The following OTUD4 variants were observed in gnomAD, a reference collection of about 807,000 sequenced individuals.
The protein encoded by OTUD4 is OTU domain-containing protein 4.
A neutral mutation model predicts 130.4 loss-of-function variants in OTUD4; 24 were observed. The observed-to-expected ratio is 0.18, with a 90% CI of 0.13 to 0.26. OTUD4 has a LOEUF of 0.26. OTUD4 is among the 10% of genes least tolerant of loss of function. The pLI, the probability that OTUD4 is intolerant of heterozygous loss-of-function variation, is 1.00. For missense variants in OTUD4, 1,031 were observed against 1,329.4 expected, an observed-to-expected ratio of 0.78 and a Z score of 3.49; for synonymous variants, 420 against 472.5, an observed-to-expected ratio of 0.89 and a Z score of 1.44.
Position 145,180,411 on chromosome 4 carries a change from C to T in OTUD4, c.-438G>A, listed in dbSNP as rs915622014. 6.6e-6 allele frequency among the ~76,000 whole-genome samples: 1 copy of T among 152,198 alleles called. No homozygotes were observed. The highest frequency in any genetic ancestry group is 2.4e-5 in the African/African-American group (1 of 41,460). ...GCTCAGGTGAAGCGGGGCCTGCGCCCCCGCGCACTCCCCACGCCGGGAGCC... is the reference window on the plus strand; with the variant it reads ...GCTCAGGTGAAGCGGGGCCTGCGCCTCCGCGCACTCCCCACGCCGGGAGCC... On this transcript the variant is annotated 5_prime_UTR_variant, in exon 1 of 21. Transcript: ENST00000447906.
chr4:145,170,178 A>AT (rs1752086497), intron 3 of OTUD4, among the ~76,000 whole-genome samples: 1 of 152,194 alleles, frequency 6.6e-6, no homozygotes, highest in Non-Finnish European at 1.5e-5. Flanking sequence ...GGGAATCTGC[A>AT]TTTTCACATG....
At position 145,141,405 on chromosome 4, in the gene OTUD4, C is replaced by A; in HGVS notation, c.2057G>T (p.Cys686Phe). ...DRAIVPPYSL[C>F]QTGEDLPKDK... is the part of the protein sequence containing the mutation. ...TTTAGGTAGGTCCTCCCCAGTCTGA[C>A]ACAGTGAATAAGGTGGTACAATGGC... Residue 686 changes from cysteine (C) to phenylalanine (F), a missense_variant, in exon 19 of 21, where the codon TGT becomes TTT. Physicochemically the swap from Cys to Phe is radical, Grantham distance 205. Transcript: ENST00000447906. 6.2e-7 allele frequency: 1 copy of A among 1,611,430 alleles called. No individual in the cohort carries two copies. The highest frequency in any genetic ancestry group is 2.2e-5 in the East Asian group (1 of 44,796).
At chr4:145,176,750 A>G (rs1752448325) in intron 1 of OTUD4, among the ~76,000 whole-genome samples, 1 of 152,046 alleles carries the variant, frequency 6.6e-6, no homozygotes, top group South Asian at 2.1e-4. Flanking sequence ...TACGTTTAGC[A>G]TGAGTAGAGC....
chr4:145,154,283 A>C (rs1354718690), intron 10 of OTUD4, among the ~76,000 whole-genome samples: 1 of 152,174 alleles, frequency 6.6e-6, no homozygotes, highest in East Asian at 1.9e-4. Flanking sequence ...ACAATCCCAT[A>C]AGGCAGTACC....
intron 13 of OTUD4, among the ~76,000 whole-genome samples, chr4:145,149,195 G>A (rs1482308194): frequency 6.6e-6 from 1 of 152,104 alleles, no homozygotes; most frequent in African/African-American, 2.4e-5. Flanking sequence ...GACACATGGG[G>A]AGAACACCAT....
Position 145,150,842 on chromosome 4 carries a change from C to T in OTUD4, c.1032G>A (p.Lys344=), listed in dbSNP as rs752114864. 1.2e-6 allele frequency: 2 copies of T among 1,613,982 alleles called. No individual in the cohort carries two copies. The highest frequency in any genetic ancestry group is 2.2e-5 in the South Asian group (2 of 91,068). The stretch of plus-strand genomic sequence containing the variant: ...GTCCAGAAGTGGAAGGTTTTTTCAT[C>T]TTCTTCCCTGACACTGTGTTCCAGC... The part of the protein sequence containing the change: ...PESWNTVSGK[K]MKKPSTSGQN... Residue 344 remains lysine, a synonymous_variant, in exon 12 of 21, where the codon AAG becomes AAA. Coordinates refer to ENST00000447906, the MANE Select transcript of OTUD4 (RefSeq NM_001366057.1).
chr4:145,138,648 T>A lies in OTUD4; in HGVS notation c.2127A>T (p.Ala709=). The stretch of plus-strand genomic sequence containing the variant: ...GTGGGGCCCACATAGGACAACTGTA[T>A]GCCTGAAGAGACAAAAAACAGTTAA... The part of the protein sequence containing the change: ...LRFFFNLGVK[A]YSCPMWAPHS... The change falls in exon 21 of 21, where the codon GCA becomes GCT. Residue 709 remains alanine (A), a splice_region_variant and synonymous_variant. Coordinates refer to ENST00000447906, the MANE Select transcript of OTUD4 (RefSeq NM_001366057.1). The A allele has an allele frequency of 1.9e-6, 3 of 1,591,822 alleles. No homozygotes were observed. The highest frequency in any genetic ancestry group is 2.6e-6 in the Non-Finnish European group (3 of 1,172,790).
chr4:145,176,648 G>A (rs890815584), intron 1 of OTUD4, among the ~76,000 whole-genome samples: 5 of 152,064 alleles, frequency 3.3e-5, no homozygotes, highest in Non-Finnish European at 7.4e-5. Flanking sequence ...GCAGTGAGCC[G>A]AGATCGTGCC....
At chr4:145,175,561 T>C (rs190749021) in intron 1 of OTUD4, among the ~76,000 whole-genome samples, 28 of 152,236 alleles carry the variant, frequency 1.8e-4, no homozygotes, top group South Asian at 1.5e-3. Flanking sequence ...TTTTTTTTTT[T>C]TGAGACGGAG....
intron 13 of OTUD4, among the ~76,000 whole-genome samples, chr4:145,146,959 T>C (rs1408056790): frequency 6.6e-6 from 1 of 152,120 alleles, no homozygotes; most frequent in Non-Finnish European, 1.5e-5. Flanking sequence ...AAAGAAAAAC[T>C]AAAACATGTC....
chr4:145,141,702 C>T, intron 18 of OTUD4, 63 bp from the exon 19 acceptor site: 4 of 1,401,846 alleles, frequency 2.9e-6, no homozygotes, highest in Non-Finnish European at 3.8e-6. Context: ...AATATGCTTA[C>T]ATTAACCTAT....
At chr4:145,139,858 G>A in intron 20 of OTUD4, 93 bp downstream of exon 20, 1 of 461,896 alleles carries the variant, frequency 2.2e-6, no homozygotes, top group Non-Finnish European at 3.9e-6. Flanking sequence ...TAAACTTTAG[G>A]TTACTGACTG....
intron 13 of OTUD4, among the ~76,000 whole-genome samples, chr4:145,149,874 A>G (rs1240631326): frequency 2.0e-5 from 3 of 152,246 alleles, no homozygotes; most frequent in African/African-American, 2.4e-5. Flanking sequence ...GACAGTTTCA[A>G]CATAAGACAC....
At chr4:145,172,837 AG>A (rs1752244357) in intron 2 of OTUD4, among the ~76,000 whole-genome samples, 1 of 152,138 alleles carries the variant, frequency 6.6e-6, no homozygotes, top group Non-Finnish European at 1.5e-5. Context: ...TATAGGTCTA[AG>A]GAAAAAAAAA....
intron 10 of OTUD4, among the ~76,000 whole-genome samples, chr4:145,154,083 G>A (rs559517571): frequency 6.6e-6 from 1 of 152,318 alleles, no homozygotes; most frequent in Non-Finnish European, 1.5e-5. Flanking sequence ...CAACCTCAAA[G>A]GAAATATGCT....
chr4:145,159,398 A>C (rs1751444838), intron 7 of OTUD4, 105 bp downstream of exon 7: 5 of 1,577,316 alleles, frequency 3.2e-6, no homozygotes, highest in Non-Finnish European at 3.4e-6. Flanking sequence ...AATACCATTA[A>C]TACCTCAATA....
rs1210937501 is a variant in OTUD4, at chr4:145,136,654, A to G, written c.*776T>C. 3 of 152,560 alleles carry G rather than the reference A, an allele frequency of 2.0e-5. No individual in the cohort carries two copies. The highest frequency in any genetic ancestry group is 4.1e-4 in the South Asian group (2 of 4,826). The allele number at this position is 152,560 out of a possible 1,614,324, so 9.5% of individuals were successfully genotyped here. A position where few individuals can be genotyped will look rare whatever the true frequency, so the allele number is the denominator to read the frequency against. On this transcript the variant is annotated 3_prime_UTR_variant, in exon 21 of 21. Transcript: ENST00000447906. Reference sequence around the variant, plus strand: ...GCATCTACATTTCTTTCGAGTAGGCACCATGATATTTACACCAGTGCTAAG... The same window carrying G: ...GCATCTACATTTCTTTCGAGTAGGCGCCATGATATTTACACCAGTGCTAAG...
intron 1 of OTUD4, among the ~76,000 whole-genome samples, chr4:145,176,883 G>A (rs1337244882): frequency 1.3e-5 from 2 of 152,194 alleles, no homozygotes; most frequent in Non-Finnish European, 2.9e-5. Flanking sequence ...ATTACGCTGA[G>A]ATACACTGAA....
intron 7 of OTUD4, among the ~76,000 whole-genome samples, chr4:145,158,502 C>CAAA (rs536679652): frequency 4.3e-4 from 58 of 135,878 alleles, no homozygotes; most frequent in African/African-American, 1.5e-3. Flanking sequence ...CAAAACAAAA[C>CAAA]AAAAAAAAAC....
Sources: gnomAD v4.1 joint callset for allele counts (sites outside exome capture counted in the v4.1 genomes callset) on GRCh38, gnomAD v4.1.1 for gene constraint, MANE v1.5 for transcripts, NCBI Gene and HGNC (gene_info 2026-07-23, HGNC 2026-07-21) for gene names.